Variants in SUPT16H observed in about 807,000 individuals in gnomAD.
SUPT16H encodes FACT complex subunit SPT16.
Under a neutral mutation model 136.2 loss-of-function variants are expected in SUPT16H, and 24 were observed. The ratio of observed to expected loss-of-function variants is 0.18; its 90% confidence interval spans 0.13 to 0.25. The LOEUF (loss-of-function observed/expected upper bound fraction) is 0.25. Ranked by LOEUF, SUPT16H falls within the 10% of genes least tolerant of loss-of-function variation. SUPT16H has a pLI of 1.00. For missense variants in SUPT16H, 623 were observed against 1,270.2 expected (o/e 0.49, Z 7.74); for synonymous variants, 415 against 428.2 (o/e 0.97, Z 0.38).
chr14:21,379,020 A>G (rs543044388), intron 1 of SUPT16H, among the ~76,000 whole-genome samples: 73 of 152,344 alleles, frequency 4.8e-4, no homozygotes, highest in African/African-American at 1.6e-3. Context: ...TTAAAAAAAG[A>G]AAGTATTTTT....
At chr14:21,365,955 G>A (rs1886657372) in intron 8 of SUPT16H, among the ~76,000 whole-genome samples, 1 of 152,002 alleles carries the variant, frequency 6.6e-6, no homozygotes, top group South Asian at 2.1e-4. Flanking sequence ...ATAAAAAAAT[G>A]AGCTGGGTGT....
At chr14:21,362,387 G>A in intron 14 of SUPT16H, 63 bp from the exon 15 acceptor site, 2 of 1,528,380 alleles carry the variant, frequency 1.3e-6, no homozygotes, top group South Asian at 2.5e-5. Flanking sequence ...TAGTTACAGA[G>A]ATGTTAAAAT....
At chr14:21,379,881 A>AAAACAAACAAACAAAC (rs141049084) in intron 1 of SUPT16H, among the ~76,000 whole-genome samples, 5 of 149,540 alleles carry the variant, frequency 3.3e-5, no homozygotes, top group African/African-American at 9.9e-5. Flanking sequence ...TGAAACTCAA[A>AAAACAAACAAACAAAC]AAACAAACAA....
intron 22 of SUPT16H, 54 bp from the exon 23 acceptor site, chr14:21,354,594 T>C: frequency 6.3e-7 from 1 of 1,594,036 alleles, no homozygotes; most frequent in Non-Finnish European, 8.5e-7. Context: ...TTCCATATAT[T>C]CTTTCTTCTT....
intron 20 of SUPT16H, 67 bp from the exon 21 acceptor site, chr14:21,358,069 A>T: frequency 1.4e-6 from 2 of 1,411,300 alleles, no homozygotes; most frequent in Non-Finnish European, 1.0e-6. Flanking sequence ...CAACAGACAA[A>T]CTTCTTCCCT....
chr14:21,352,453 A>G lies in SUPT16H; in HGVS notation c.*220T>C. The G allele has an allele frequency of 1.6e-6, 1 of 633,390 alleles. No homozygotes were observed. Among genetic ancestry groups the G allele is most frequent in the East Asian group, 2.7e-5 (1 of 36,704 alleles). The allele number at this position is 633,390 out of a possible 1,614,324, so 39.2% of individuals were successfully genotyped here. A position where few individuals can be genotyped will look rare whatever the true frequency, so the allele number is the denominator to read the frequency against. ...CGGGAGCCTCCTCCTGTCTTCAAGAACACCTCCTCCCTTGCCATCTGAATG... is the reference window on the plus strand; with the variant it reads ...CGGGAGCCTCCTCCTGTCTTCAAGAGCACCTCCTCCCTTGCCATCTGAATG... On this transcript the variant is annotated 3_prime_UTR_variant, in exon 26 of 26. Transcript: ENST00000216297.
chr14:21,369,928 G>C lies in SUPT16H; in HGVS notation c.484-32C>G, dbSNP rs772198412. 2.3e-5 allele frequency: 37 copies of C among 1,607,976 alleles called. 1 individual carries two copies. In the Middle Eastern group the frequency reaches 9.9e-4, roughly 43 times the overall value. On this transcript the variant is annotated intron_variant, in intron 4 of 25. Coordinates refer to ENST00000216297, the MANE Select transcript of SUPT16H (RefSeq NM_007192.4). ...TCAAAGTGACAAGAGTTTCTAACAT[G>C]CAAGTACAGAATTACAAAATAAATG...
intron 1 of SUPT16H, among the ~76,000 whole-genome samples, chr14:21,379,147 G>T (rs564388540): frequency 2.9e-4 from 44 of 152,122 alleles, no homozygotes; most frequent in Non-Finnish European, 6.0e-4. Flanking sequence ...AAAAAGTAGA[G>T]ATCTAGGGCT....
intron 1 of SUPT16H, among the ~76,000 whole-genome samples, chr14:21,380,515 A>G (rs368350227): frequency 6.6e-6 from 1 of 151,334 alleles, no homozygotes; most frequent in East Asian, 1.9e-4. Flanking sequence ...AAGCCACCAT[A>G]AAAATCTGCA....
Position 21,352,799 on chromosome 14 carries a change from G to A in SUPT16H, c.3018C>T (p.Tyr1006=), listed in dbSNP as rs751245480. 1.8e-5 allele frequency: 29 copies of A among 1,613,758 alleles called. No homozygotes were observed. The highest frequency in any genetic ancestry group is 1.6e-4 in the Middle Eastern group (1 of 6,084). Residue 1006 remains tyrosine, a synonymous_variant, in exon 26 of 26, where the codon TAC becomes TAT. Coordinates refer to ENST00000216297, the MANE Select transcript of SUPT16H (RefSeq NM_007192.4). ...EARKADRESR[Y]EEEEEQSRSM... ...TTCGACTTTGTTCTTCTTCTTCCTC[G>A]TAACGACTTTCTCGGTCCGCTAAAT...
At chr14:21,379,881 A>AAAAC (rs141049084) in intron 1 of SUPT16H, among the ~76,000 whole-genome samples, 162 of 149,540 alleles carry the variant, frequency 1.1e-3, no homozygotes, top group African/African-American at 3.5e-3. Flanking sequence ...TGAAACTCAA[A>AAAAC]AAACAAACAA....
intron 6 of SUPT16H, 56 bp from the exon 7 acceptor site, chr14:21,368,497 G>C (rs1038946252): frequency 2.6e-6 from 4 of 1,528,962 alleles, no homozygotes; most frequent in Middle Eastern, 3.5e-4. Context: ...AAAGTCCTTG[G>C]TATCAATGGG....
rs551402500 is a variant in SUPT16H, at chr14:21,371,506, G to C, written c.330+368C>G. ...GAAAACATCCCATGTTAGGTGGGCA[G>C]TATGACAAAAAAAATTCACATTTGA... On this transcript the variant is annotated intron_variant, in intron 3 of 25. Transcript: ENST00000216297. Among the ~76,000 whole-genome samples the C allele has an allele frequency of 4.6e-5, 7 of 152,274 alleles. No homozygotes were observed. The South Asian group carries it at 1.5e-3, about 32-fold the overall frequency.
rs761106543 is a variant in SUPT16H, at chr14:21,363,356, G to T, written c.1300-28C>A. Reference sequence around the variant, plus strand: ...ATGGAAAAAGTCATAATCAAAAAATGAAATTTTAATTATTTTAGCCAATAT... The same window carrying T: ...ATGGAAAAAGTCATAATCAAAAAATTAAATTTTAATTATTTTAGCCAATAT... On this transcript the variant is annotated intron_variant, in intron 11 of 25. Coordinates refer to ENST00000216297, the MANE Select transcript of SUPT16H (RefSeq NM_007192.4). The T allele has an allele frequency of 5.0e-6, 8 of 1,596,724 alleles. No homozygotes were observed. In the African/African-American group the frequency reaches 8.1e-5, roughly 16 times the overall value.
intron 1 of SUPT16H, among the ~76,000 whole-genome samples, chr14:21,374,331 G>A (rs552318203): frequency 6.6e-6 from 1 of 152,388 alleles, no homozygotes; most frequent in African/African-American, 2.4e-5. Context: ...CTTTCTGGCT[G>A]ATGGAGAGAC....
At chr14:21,355,874 T>C (rs1337864695) in intron 22 of SUPT16H, among the ~76,000 whole-genome samples, 3 of 152,176 alleles carry the variant, frequency 2.0e-5, no homozygotes, top group East Asian at 1.9e-4. Context: ...CTTCCAGCCA[T>C]GATGGAGTAA....
At chr14:21,361,343 G>A (rs1886550654) in intron 15 of SUPT16H, 130 bp from the exon 16 acceptor site, 15 of 1,037,506 alleles carry the variant, frequency 1.4e-5, no homozygotes, top group Non-Finnish European at 2.1e-5. Context: ...TTGAGACAGG[G>A]TGTGCCTCTG....
intron 3 of SUPT16H, among the ~76,000 whole-genome samples, chr14:21,371,461 A>G (rs1161239240): frequency 2.6e-5 from 4 of 152,218 alleles, no homozygotes; most frequent in Non-Finnish European, 4.4e-5. Flanking sequence ...ACTCAAACAC[A>G]TAAGTGAACA....
intron 3 of SUPT16H, among the ~76,000 whole-genome samples, chr14:21,370,976 T>A (rs1250640817): frequency 6.6e-6 from 1 of 151,994 alleles, no homozygotes. Flanking sequence ...GGGGTTTTGT[T>A]ATCTTGCCCA....
Sources: allele counts gnomAD v4.1 joint callset (sites outside exome capture counted in the v4.1 genomes callset), GRCh38; gene constraint gnomAD v4.1.1; transcripts MANE v1.5; gene names NCBI Gene and HGNC (gene_info 2026-07-23, HGNC 2026-07-21).